NEK11: variants seen among roughly 807,000 people sequenced by gnomAD.
The protein encoded by NEK11 is serine/threonine-protein kinase Nek11.
A neutral mutation model predicts 80.7 loss-of-function variants in NEK11; 72 were observed. The observed-to-expected ratio is 0.89, with a 90% CI of 0.74 to 1.08. The LOEUF is 1.08. Among genes scored for constraint, NEK11 ranks in the 50% least tolerant of loss-of-function variants. NEK11 has a pLI of 0.00. For synonymous variants in NEK11, 251 were observed against 260.7 expected (o/e 0.96, Z 0.36); for missense variants, 764 against 763.6 (o/e 1.00, Z -0.01).
chr3:131,292,779 T>C (rs1407256954), intron 17 of NEK11, among the ~76,000 whole-genome samples: 1 of 152,200 alleles, frequency 6.6e-6, no homozygotes, highest in South Asian at 2.1e-4. Context: ...TCATCAGAGA[T>C]TCATAATTTC....
rs536797644 is a variant in NEK11 at position 131,126,447 on chromosome 3, T to TA, written c.456-6293dup. Among the ~76,000 whole-genome samples the TA allele has an allele frequency of 3.0e-4, 46 of 152,350 alleles. 2 individuals carry two copies. In the South Asian group the frequency reaches 6.4e-3, roughly 21 times the overall value. ...ATAATAGTTTAGCTACTATTTCAGCTAAAAATGTATTATTATTTAGCTATT... is the reference window on the plus strand; with the variant it reads ...ATAATAGTTTAGCTACTATTTCAGCTAAAAAATGTATTATTATTTAGCTATT... On this transcript the variant is annotated intron_variant, in intron 5 of 17. Transcript: ENST00000383366.
chr3:131,285,225 T>C (rs1346245111), intron 17 of NEK11, among the ~76,000 whole-genome samples: 4 of 152,224 alleles, frequency 2.6e-5, no homozygotes, highest in African/African-American at 9.6e-5. Context: ...TGTGGAAAGG[T>C]TTCTGGGGAT....
chr3:131,310,850 CTGT>C (rs2096774745), intron 17 of NEK11, among the ~76,000 whole-genome samples: 1 of 152,142 alleles, frequency 6.6e-6, no homozygotes, highest in Admixed American at 6.5e-5. Flanking sequence ...ATTTTTTAAG[CTGT>C]TGTTGTCAAT....
At chr3:131,070,038 C>G (rs2072978114) in intron 3 of NEK11, among the ~76,000 whole-genome samples, 1 of 151,932 alleles carries the variant, frequency 6.6e-6, no homozygotes, top group Non-Finnish European at 1.5e-5. Flanking sequence ...TGAATATTAA[C>G]CTAACACTAA....
At chr3:131,333,954 C>T (rs1028569368) in intron 17 of NEK11, among the ~76,000 whole-genome samples, 1 of 152,182 alleles carries the variant, frequency 6.6e-6, no homozygotes, top group East Asian at 1.9e-4. Context: ...ACAGGAGCAC[C>T]CAGATTCATA....
At chr3:131,062,530 A>C (rs1294718697) in intron 3 of NEK11, among the ~76,000 whole-genome samples, 3 of 152,242 alleles carry the variant, frequency 2.0e-5, no homozygotes, top group Non-Finnish European at 4.4e-5. Context: ...CCAGAAATAA[A>C]ATATAGAACA....
At chr3:131,202,787 T>G (rs1425355457) in intron 14 of NEK11, among the ~76,000 whole-genome samples, 1 of 152,198 alleles carries the variant, frequency 6.6e-6, no homozygotes, top group Non-Finnish European at 1.5e-5. Flanking sequence ...CAGACACTTC[T>G]CAAACGAAGA....
intron 15 of NEK11, among the ~76,000 whole-genome samples, chr3:131,234,834 T>C (rs551810535): frequency 6.6e-6 from 1 of 152,186 alleles, no homozygotes; most frequent in African/African-American, 2.4e-5. Context: ...TCTTTTTTTT[T>C]CTTCTGGCCT....
chr3:131,168,957 C>G lies in NEK11; in HGVS notation c.1284+20C>G. On this transcript the variant is annotated intron_variant, in intron 13 of 17. Coordinates refer to ENST00000383366, the MANE Select transcript of NEK11 (RefSeq NM_024800.5). Reference sequence around the variant, plus strand: ...GAAGAGGCAAGTTTAATCATATTCACAAGCACAAAAGTGAGGCAGGTTTAA... The same window carrying G: ...GAAGAGGCAAGTTTAATCATATTCAGAAGCACAAAAGTGAGGCAGGTTTAA... 6.3e-7 allele frequency: 1 copy of G among 1,586,174 alleles called. No homozygotes were observed. Among genetic ancestry groups the G allele is most frequent in the Non-Finnish European group, 8.6e-7 (1 of 1,156,266 alleles).
intron 14 of NEK11, among the ~76,000 whole-genome samples, chr3:131,190,782 A>G (rs944616911): frequency 2.6e-5 from 4 of 152,204 alleles, no homozygotes; most frequent in African/African-American, 9.6e-5. Flanking sequence ...TAATCTTCCA[A>G]TTCTGAAGAC....
At position 131,133,827 on chromosome 3, in the gene NEK11, A is replaced by T; in HGVS notation, c.521-3A>T. 2 of 1,604,244 alleles carry T rather than the reference A, an allele frequency of 1.2e-6. No homozygotes were observed. The highest frequency in any genetic ancestry group is 1.7e-6 in the Non-Finnish European group (2 of 1,175,846). The stretch of plus-strand genomic sequence containing the variant: ...ATTCATAAAAATTAATTATTATTTC[A>T]AGGAGATTTTGGAGTTTCTCGACTT... On this transcript the variant is annotated splice_polypyrimidine_tract_variant and splice_region_variant and intron_variant, in intron 6 of 17. Coordinates refer to ENST00000383366, the MANE Select transcript of NEK11 (RefSeq NM_024800.5).
chr3:131,094,639 C>A (rs778465105), intron 4 of NEK11, among the ~76,000 whole-genome samples: 2 of 152,250 alleles, frequency 1.3e-5, no homozygotes, highest in East Asian at 1.9e-4. Context: ...TTCATGATAA[C>A]CTTTTAGCTA....
At position 131,187,367 on chromosome 3, in the gene NEK11, C is replaced by T. The variant is rs74564437; in HGVS notation, c.1399+16480C>T. Among the ~76,000 whole-genome samples, 747 of 152,264 alleles carry T rather than the reference C, an allele frequency of 4.9e-3. 11 individuals are homozygous for T. Among genetic ancestry groups the T allele is most frequent in the African/African-American group, 0.017 (711 of 41,552 alleles). Reference sequence around the variant, plus strand: ...GTATCTAAATTTTTAAAAAGCTCCACAGGTGATTCTGGTGGGAAACCTGTT... The same window carrying T: ...GTATCTAAATTTTTAAAAAGCTCCATAGGTGATTCTGGTGGGAAACCTGTT... On this transcript the variant is annotated intron_variant, in intron 14 of 17. Transcript: ENST00000383366.
intron 3 of NEK11, among the ~76,000 whole-genome samples, chr3:131,054,952 T>A (rs1023844589): frequency 1.3e-5 from 2 of 152,138 alleles, no homozygotes; most frequent in Non-Finnish European, 2.9e-5. Flanking sequence ...TTTTCCTTTT[T>A]TCTGATCCAA....
chr3:131,290,344 G>A (rs937366377), intron 17 of NEK11, among the ~76,000 whole-genome samples: 5 of 152,182 alleles, frequency 3.3e-5, no homozygotes, highest in African/African-American at 9.7e-5. Flanking sequence ...CATAGCAGGA[G>A]TGCCTCTGCT....
At chr3:131,095,868 A>G (rs1479708726) in intron 4 of NEK11, among the ~76,000 whole-genome samples, 2 of 152,180 alleles carry the variant, frequency 1.3e-5, no homozygotes, top group African/African-American at 2.4e-5. Context: ...AAAAATGTCA[A>G]AGGGTTTAAA....
intron 17 of NEK11, among the ~76,000 whole-genome samples, chr3:131,349,070 T>C (rs548471683): frequency 6.6e-5 from 10 of 152,272 alleles, no homozygotes; most frequent in East Asian, 3.9e-4. Flanking sequence ...TTTTCCAATA[T>C]GTTTTAGCCT....
intron 17 of NEK11, among the ~76,000 whole-genome samples, chr3:131,344,015 C>T (rs1438835391): frequency 6.6e-6 from 1 of 152,208 alleles, no homozygotes; most frequent in Non-Finnish European, 1.5e-5. Context: ...AATTTCTCTC[C>T]CCCAAAAAAG....
At chr3:131,208,750 A>C (rs1404148989) in intron 14 of NEK11, among the ~76,000 whole-genome samples, 1 of 152,106 alleles carries the variant, frequency 6.6e-6, no homozygotes, top group Non-Finnish European at 1.5e-5. Context: ...TTCACTCATG[A>C]TTTGGCTCTC....
Sources: allele counts gnomAD v4.1 joint callset (sites outside exome capture counted in the v4.1 genomes callset), GRCh38; gene constraint gnomAD v4.1.1; transcripts MANE v1.5; gene names NCBI Gene and HGNC (gene_info 2026-07-23, HGNC 2026-07-21).